GCSAML: variants seen among roughly 807,000 people sequenced by gnomAD.
The protein encoded by GCSAML is germinal center-associated signaling and motility-like protein.
Under a neutral mutation model 13.0 loss-of-function variants are expected in GCSAML, and 9 were observed. The ratio of observed to expected loss-of-function variants is 0.69; its 90% CI spans 0.42 to 1.21. The LOEUF (loss-of-function observed/expected upper bound fraction) is 1.21. Ranked by LOEUF, GCSAML falls within the 50% of genes most tolerant of loss-of-function variation. The probability of loss-of-function intolerance (pLI) is 0.00; values close to 1 mark genes in which losing one functional copy is unlikely to be tolerated. For missense variants in GCSAML, 143 were observed against 153.4 expected, an observed-to-expected ratio of 0.93 and a Z score of 0.36; for synonymous variants, 37 against 52.9, an observed-to-expected ratio of 0.70 and a Z score of 1.31.
At chr1:247,537,885 A>G (rs1667276848) in intron 2 of GCSAML, among the ~76,000 whole-genome samples, 1 of 152,146 alleles carries the variant, frequency 6.6e-6, no homozygotes, top group African/African-American at 2.4e-5. Flanking sequence ...TACTCTGAAT[A>G]TTATACCCTT....
At chr1:247,545,166 T>A (rs762965613), upstream of GCSAML, among the ~76,000 whole-genome samples, 12 of 152,200 alleles carry the variant, frequency 7.9e-5, no homozygotes, top group Non-Finnish European at 1.6e-4. Context: ...AGGTAAGGAA[T>A]TGGTTTTGGT....
At chr1:247,555,462 A>G (rs1297562349) in intron 1 of GCSAML, among the ~76,000 whole-genome samples, 1 of 152,208 alleles carries the variant, frequency 6.6e-6, no homozygotes, top group Non-Finnish European at 1.5e-5. Context: ...ACCTCTGTAA[A>G]TTGATATTCC....
At chr1:247,553,034 G>A (rs866539198) in intron 1 of GCSAML, among the ~76,000 whole-genome samples, 1 of 152,138 alleles carries the variant, frequency 6.6e-6, no homozygotes, top group Non-Finnish European at 1.5e-5. Flanking sequence ...GATTACAGGC[G>A]TGAGCCACTG....
chr1:247,546,413 C>T (rs1286528187), upstream of GCSAML, among the ~76,000 whole-genome samples: 8 of 152,088 alleles, frequency 5.3e-5, no homozygotes, highest in South Asian at 4.1e-4. Context: ...GGCTGGAGTG[C>T]AGTGGCGCGA....
At chr1:247,554,596 T>C (rs1408120948) in intron 1 of GCSAML, among the ~76,000 whole-genome samples, 1 of 152,172 alleles carries the variant, frequency 6.6e-6, no homozygotes, top group Non-Finnish European at 1.5e-5. Flanking sequence ...ATCCTTCAAA[T>C]AGTCTTGTGT....
At chr1:247,538,534 T>TA (rs1667300556) in intron 2 of GCSAML, 1 of 324,120 alleles carries the variant, frequency 3.1e-6, no homozygotes, top group Non-Finnish European at 6.1e-6. Flanking sequence ...ATAAGGCCCT[T>TA]AAGGGGATAA....
chr1:247,532,474 A>G (rs773580993), intron 2 of GCSAML: 6 of 1,613,906 alleles, frequency 3.7e-6, no homozygotes, highest in Non-Finnish European at 4.2e-6. Context: ...CAGGAGGACA[A>G]AGACTTCTGG....
intron 4 of GCSAML, among the ~76,000 whole-genome samples, chr1:247,572,422 C>T (rs774808888): frequency 6.6e-6 from 1 of 152,160 alleles, no homozygotes; most frequent in Non-Finnish European, 1.5e-5. Flanking sequence ...GACGCTATTG[C>T]TTTCTGTTTG....
intron 4 of GCSAML, among the ~76,000 whole-genome samples, chr1:247,572,906 T>A (rs1373854375): frequency 6.6e-6 from 1 of 152,202 alleles, no homozygotes; most frequent in East Asian, 1.9e-4. Context: ...CTGGCCACAG[T>A]GGCTTTGTGG....
chr1:247,512,910 G>A (rs1184691571), intron 1 of GCSAML, among the ~76,000 whole-genome samples: 2 of 152,188 alleles, frequency 1.3e-5, no homozygotes, highest in African/African-American at 4.8e-5. Context: ...GCACCCACCA[G>A]ATGCAGCTGG....
chr1:247,526,843 G>A lies in GCSAML; in HGVS notation c.-262-97G>A, dbSNP rs1163657565. The A allele has an allele frequency of 5.0e-6, 2 of 396,214 alleles. No individual in the cohort carries two copies. The highest frequency in any genetic ancestry group is 5.9e-5 in the Admixed American group (2 of 34,038). The allele number at this position is 396,214 out of a possible 1,614,324, so 24.5% of individuals were successfully genotyped here. ...TCGAAAGACAAGTGGTGTCCAATAT[G>A]GCATGTTAGCATTTTCCTCTTCATT... On this transcript the variant is annotated intron_variant, in intron 1 of 5. Transcript: ENST00000366489. The surrounding 1 kb of genome is among the most constrained non-coding windows in gnomAD (Gnocchi z 4.8).
intron 2 of GCSAML, among the ~76,000 whole-genome samples, chr1:247,561,109 A>C (rs780756083): frequency 1.3e-5 from 2 of 152,022 alleles, no homozygotes; most frequent in Non-Finnish European, 2.9e-5. Flanking sequence ...GCACACCATC[A>C]TGCCTGGCTA....
upstream of GCSAML, among the ~76,000 whole-genome samples, chr1:247,546,050 C>T (rs946150957): frequency 3.3e-5 from 5 of 152,166 alleles, no homozygotes; most frequent in East Asian, 1.9e-4. Flanking sequence ...CATAAATGTA[C>T]GCATATGTCC....
chr1:247,577,459 T>G lies in GCSAML; in HGVS notation c.*3077T>G, dbSNP rs1034269296. 1 of 152,320 alleles carries G rather than the reference T, an allele frequency of 6.6e-6. No homozygotes were observed. The highest frequency in any genetic ancestry group is 6.5e-5 in the Admixed American group (1 of 15,302). The allele number at this position is 152,320 out of a possible 1,614,324, so 9.4% of individuals were successfully genotyped here. On this transcript the variant is annotated 3_prime_UTR_variant, in exon 5 of 5. Transcript: ENST00000366488. ...TCTAGATATTTGTAGCAATGTACCC[T>G]TTCCATATTTATTTTGTGTGTGTAA...
At chr1:247,549,478 T>C (rs921523452) in intron 1 of GCSAML, among the ~76,000 whole-genome samples, 1 of 152,228 alleles carries the variant, frequency 6.6e-6, no homozygotes, top group Non-Finnish European at 1.5e-5. Flanking sequence ...AAAACATTTT[T>C]TTTTTTAGTA....
intron 2 of GCSAML, chr1:247,531,327 A>G: frequency 6.9e-6 from 4 of 580,734 alleles, no homozygotes; most frequent in Non-Finnish European, 9.1e-6. Context: ...ATGTGTATAT[A>G]TAGCAAAAAC....
chr1:247,507,624 T>C (rs970323577), intron 1 of GCSAML, among the ~76,000 whole-genome samples: 1 of 152,178 alleles, frequency 6.6e-6, no homozygotes, highest in Non-Finnish European at 1.5e-5. Flanking sequence ...CTGCACCTAT[T>C]AACCCACCAT....
intron 1 of GCSAML, among the ~76,000 whole-genome samples, chr1:247,514,572 A>G (rs1666150091): frequency 6.6e-6 from 1 of 152,128 alleles, no homozygotes; most frequent in Non-Finnish European, 1.5e-5. Flanking sequence ...GGTTTTTCCA[A>G]TGTTATCTTG....
chr1:247,536,187 T>G (rs1244319380), intron 2 of GCSAML: 2 of 152,228 alleles, frequency 1.3e-5, no homozygotes, highest in African/African-American at 4.8e-5. Flanking sequence ...GCTAGCAGCA[T>G]CATCTCTATT....
Sources: gnomAD v4.1 joint callset for allele counts (sites outside exome capture counted in the v4.1 genomes callset) on GRCh38, gnomAD v4.1.1 for gene constraint, Gnocchi (gnomAD v3.1) non-coding constraint, MANE v1.5 for transcripts, NCBI Gene and HGNC (gene_info 2026-07-23, HGNC 2026-07-21) for gene names.